Variants in TRRAP observed in about 807,000 individuals in gnomAD.
The protein encoded by TRRAP is transformation/transcription domain-associated protein.
In TRRAP, 41 loss-of-function variants were observed where a neutral mutation model predicts 438.8. The ratio of observed to expected loss-of-function variants is 0.09; its 90% CI spans 0.07 to 0.12. TRRAP has a LOEUF of 0.12. Ranked by LOEUF, TRRAP falls within the 10% of genes least tolerant of loss-of-function variation. The pLI, the probability that TRRAP is intolerant of heterozygous loss-of-function variation, is 1.00. For missense variants in TRRAP, 3,122 were observed against 5,055.1 expected, an observed-to-expected ratio of 0.62 and a Z score of 11.60; for synonymous variants, 1,994 against 1,962.9, an observed-to-expected ratio of 1.02 and a Z score of -0.42.
chr7:98,973,122 G>A (rs1231911107), intron 53 of TRRAP, among the ~76,000 whole-genome samples: 2 of 152,120 alleles, frequency 1.3e-5, no homozygotes, highest in African/African-American at 4.8e-5. Flanking sequence ...TGGGATTACA[G>A]GCACACACCA....
rs141979692 is a variant in TRRAP at position 98,890,060 on chromosome 7, A to G, written c.151-275A>G. Among the ~76,000 whole-genome samples the G allele has an allele frequency of 1.2e-3, 184 of 152,316 alleles. 1 individual carries two copies. The highest frequency in any genetic ancestry group is 3.9e-3 in the African/African-American group (162 of 41,564). ...AGAGGTTTCATACTTAGATCGTGGCAGAGACAAGCTAGTACAGGTTCCAGG... is the reference window on the plus strand; with the variant it reads ...AGAGGTTTCATACTTAGATCGTGGCGGAGACAAGCTAGTACAGGTTCCAGG... On this transcript the variant is annotated intron_variant, in intron 3 of 72. Coordinates refer to ENST00000456197, the MANE Select transcript of TRRAP (RefSeq NM_001375524.1).
In TRRAP at chr7:98,956,641, G is replaced by A; in HGVS notation, c.6231+108G>A. 1.3e-6 allele frequency: 2 copies of A among 1,499,698 alleles called. No individual in the cohort carries two copies. Among genetic ancestry groups the A allele is most frequent in the East Asian group, 2.3e-5 (1 of 44,006 alleles). 92.9% of individuals were successfully genotyped at this position (1,499,698 alleles called of 1,614,324 possible). Reference sequence around the variant, plus strand: ...CGGTGCTCAGCTGCATTCAGGAGAGGAAGCTGGGAACAGCCACGGTCACCA... The same window carrying A: ...CGGTGCTCAGCTGCATTCAGGAGAGAAAGCTGGGAACAGCCACGGTCACCA... On this transcript the variant is annotated intron_variant, in intron 43 of 72. Transcript: ENST00000456197. The surrounding 1 kb of genome is among the most constrained non-coding windows in gnomAD (Gnocchi z 4.5).
chr7:98,921,980 T>G, intron 21 of TRRAP, 27 bp downstream of exon 21: 1 of 1,613,992 alleles, frequency 6.2e-7, no homozygotes, highest in Non-Finnish European at 8.5e-7. Flanking sequence ...TGTCGTTTCG[T>G]TTTAAGCCTT....
chr7:98,937,496 C>A (rs782317002), intron 29 of TRRAP, among the ~76,000 whole-genome samples, 154 bp from the exon 30 acceptor site: 4 of 152,202 alleles, frequency 2.6e-5, no homozygotes, highest in Non-Finnish European at 5.9e-5. Context: ...AAGTCTCCAT[C>A]ATTTCGTCAT....
intron 12 of TRRAP, 80 bp downstream of exon 12, chr7:98,903,597 TG>T: frequency 1.3e-6 from 2 of 1,581,622 alleles, no homozygotes; most frequent in South Asian, 2.3e-5. Context: ...ATTCCATAGT[TG>T]TGCTGTGAGG....
intron 27 of TRRAP, among the ~76,000 whole-genome samples, chr7:98,934,314 G>A (rs1790458278): frequency 1.3e-5 from 2 of 152,172 alleles, no homozygotes; most frequent in Non-Finnish European, 2.9e-5. Context: ...CTGAATTTCT[G>A]ATTATGAAAA....
chr7:98,881,870 G>A, intron 2 of TRRAP, 105 bp from the exon 3 acceptor site: 3 of 1,286,712 alleles, frequency 2.3e-6, no homozygotes, highest in Non-Finnish European at 3.2e-6. Flanking sequence ...CAGTCAAACT[G>A]ATAAGATCTG....
Position 98,910,139 on chromosome 7 carries a change from A to G in TRRAP, c.1434A>G (p.Gly478=). The G allele has an allele frequency of 6.2e-7, 1 of 1,611,952 alleles. No homozygotes were observed. Among genetic ancestry groups the G allele is most frequent in the East Asian group, 2.2e-5 (1 of 44,880 alleles). The part of the protein sequence containing the change: ...FKKCKPQSEL[G]AVEAALPGVP... ...AGTGTAAGCCTCAGTCAGAACTTGGAGCCGTGGAAGCAGCTCTGCCTGGGG... is the reference window on the plus strand; with the variant it reads ...AGTGTAAGCCTCAGTCAGAACTTGGGGCCGTGGAAGCAGCTCTGCCTGGGG... Residue 478 remains glycine, a synonymous_variant, in exon 15 of 73, where the codon GGA becomes GGG. Coordinates refer to ENST00000456197, the MANE Select transcript of TRRAP (RefSeq NM_001375524.1).
intron 10 of TRRAP, among the ~76,000 whole-genome samples, chr7:98,899,998 T>TGTCGTCAGGCATTACC (rs1796401930): frequency 6.6e-6 from 1 of 152,240 alleles, no homozygotes; most frequent in African/African-American, 2.4e-5. Flanking sequence ...AAATTAAAAA[T>TGTCGTCAGGCATTACC]GTCGTCAGGC....
In TRRAP at chr7:98,969,409, A is replaced by G. The variant is rs545155668; in HGVS notation, c.7513-703A>G. On this transcript the variant is annotated intron_variant, in intron 51 of 72. Transcript: ENST00000456197. ...CAGCTCCTTTTAATTCTGTCAGTCC[A>G]CCCTGTTTCCTGGCCATGTTACCAC... is the stretch of plus-strand genomic sequence containing the variant. Among the ~76,000 whole-genome samples the G allele has an allele frequency of 5.9e-5, 9 of 151,912 alleles. No homozygotes were observed. The South Asian group carries it at 1.9e-3, about 32-fold the overall frequency.
At chr7:98,907,375 C>T (rs1230309778) in intron 13 of TRRAP, among the ~76,000 whole-genome samples, 42 of 151,486 alleles carry the variant, frequency 2.8e-4, no homozygotes, top group Non-Finnish European at 2.2e-4. Flanking sequence ...AGAAAATTAA[C>T]ATTTAATCAT....
chr7:98,917,469 C>T lies in TRRAP; in HGVS notation c.2412C>T (p.Asp804=), dbSNP rs899649552. The T allele has an allele frequency of 1.9e-6, 3 of 1,614,200 alleles. No individual in the cohort carries two copies. The highest frequency in any genetic ancestry group is 2.5e-6 in the Non-Finnish European group (3 of 1,180,042). ...QSGLHKQHMK[D]LFVELCLTVP... ...GCCTGCACAAGCAGCACATGAAGGA[C>T]CTCTTTGTGGAGCTGTGTCTCACCG... is the stretch of plus-strand genomic sequence containing the variant. The change falls in exon 20 of 73, where the codon GAC becomes GAT. Residue 804 remains aspartate (D), a synonymous_variant. Transcript: ENST00000456197.
intron 8 of TRRAP, among the ~76,000 whole-genome samples, chr7:98,899,114 A>G (rs1796356906): frequency 6.6e-6 from 1 of 152,160 alleles, no homozygotes; most frequent in Admixed American, 6.5e-5. Flanking sequence ...GCTTGAACCC[A>G]GGAGGTGGAG....
chr7:99,012,286 C>G lies in TRRAP; in HGVS notation c.11553C>G (p.Thr3851=), dbSNP rs1794465523. The change falls in exon 73 of 73, where the codon ACC becomes ACG. Residue 3851 remains threonine (T), a synonymous_variant. Coordinates refer to ENST00000456197, the MANE Select transcript of TRRAP (RefSeq NM_001375524.1). This position sits in a 1 kb window ranked among gnomAD's most constrained non-coding sequence, Gnocchi z 5.9. ...QFEGGESKVN[T]LVAAANSLDN... ...AAGGCGGGGAAAGCAAGGTGAACAC[C>G]CTGGTGGCCGCGGCAAACAGCCTGG... is the stretch of plus-strand genomic sequence containing the variant. 1 of 1,613,330 alleles carries G rather than the reference C, an allele frequency of 6.2e-7. No homozygotes were observed. The highest frequency in any genetic ancestry group is 1.1e-5 in the South Asian group (1 of 90,958).
intron 67 of TRRAP, among the ~76,000 whole-genome samples, chr7:99,003,038 C>T (rs1794005869): frequency 1.3e-5 from 2 of 152,314 alleles, no homozygotes; most frequent in South Asian, 2.1e-4. Context: ...CCCGCCACGA[C>T]TCAGCCAGCA....
chr7:98,959,302 G>T (rs370910878), intron 44 of TRRAP, 42 bp from the exon 45 acceptor site: 1 of 1,605,590 alleles, frequency 6.2e-7, no homozygotes, highest in East Asian at 2.2e-5. Context: ...CTGTAAACTC[G>T]GATGCAGTGA....
intron 4 of TRRAP, among the ~76,000 whole-genome samples, chr7:98,892,161 A>T (rs967681025): frequency 2.2e-4 from 33 of 152,226 alleles, no homozygotes; most frequent in African/African-American, 8.0e-4. Flanking sequence ...CTTACTGATA[A>T]GCCGTGGAAG....
chr7:98,901,699 C>T (rs1243898580), intron 11 of TRRAP, among the ~76,000 whole-genome samples: 1 of 152,170 alleles, frequency 6.6e-6, no homozygotes, highest in Non-Finnish European at 1.5e-5. Context: ...CAGGCATGCA[C>T]TACCATGCCT....
intron 3 of TRRAP, among the ~76,000 whole-genome samples, chr7:98,884,822 G>A (rs1386717568): frequency 2.0e-5 from 3 of 152,056 alleles, no homozygotes; most frequent in Admixed American, 6.6e-5. Context: ...GTGGTCATGG[G>A]GCTAAGCATG....
Sources: gnomAD v4.1 joint callset for allele counts (sites outside exome capture counted in the v4.1 genomes callset) on GRCh38, gnomAD v4.1.1 for gene constraint, Gnocchi (gnomAD v3.1) non-coding constraint, MANE v1.5 for transcripts, NCBI Gene and HGNC (gene_info 2026-07-23, HGNC 2026-07-21) for gene names.